PTPRM: variants seen among roughly 807,000 people sequenced by gnomAD.
PTPRM encodes the protein receptor-type tyrosine-protein phosphatase mu.
Under a neutral mutation model 186.7 loss-of-function variants are expected in PTPRM, and 47 were observed. The ratio of observed to expected loss-of-function variants is 0.25; its 90% CI spans 0.20 to 0.32. The LOEUF (loss-of-function observed/expected upper bound fraction) is 0.32, where lower values mean the gene tolerates loss of function less well. Ranked by LOEUF, PTPRM falls within the 10% of genes least tolerant of loss-of-function variation. The probability of loss-of-function intolerance (pLI) is 1.00; values close to 1 mark genes in which losing one functional copy is unlikely to be tolerated. For synonymous variants in PTPRM, 668 were observed against 674.9 expected, an observed-to-expected ratio of 0.99 and a Z score of 0.16; for missense variants, 1,494 against 1,865.0, an observed-to-expected ratio of 0.80 and a Z score of 3.66.
chr18:8,171,516 G>A lies in PTPRM; in HGVS notation c.2300+27737G>A, dbSNP rs2093400644. Among the ~76,000 whole-genome samples the A allele has an allele frequency of 2.0e-5, 3 of 152,184 alleles. No individual in the cohort carries two copies. In the South Asian group the frequency reaches 6.2e-4, roughly 32 times the overall value. On this transcript the variant is annotated intron_variant, in intron 14 of 32. Coordinates refer to ENST00000580170, the MANE Select transcript of PTPRM (RefSeq NM_001105244.2). The stretch of plus-strand genomic sequence containing the variant: ...CTCTGTGAGTAGGGGAAAAAATTGT[G>A]TCCTTAGTGAAAGAGAATCACAACC...
At chr18:7,650,852 C>T (rs542738964) in intron 1 of PTPRM, among the ~76,000 whole-genome samples, 4 of 150,800 alleles carry the variant, frequency 2.7e-5, no homozygotes, top group Non-Finnish European at 5.9e-5. Flanking sequence ...ACACCTTCTA[C>T]AAAAACCAAC....
chr18:7,858,659 A>G (rs2146019158), intron 2 of PTPRM, among the ~76,000 whole-genome samples: 1 of 152,368 alleles, frequency 6.6e-6, no homozygotes, highest in East Asian at 1.9e-4. Context: ...AAGTGTTAAT[A>G]TATGTAGAAT....
intron 10 of PTPRM, 111 bp from the exon 11 acceptor site, chr18:8,088,638 T>C: frequency 1.2e-6 from 1 of 841,296 alleles, no homozygotes; most frequent in South Asian, 1.5e-5. Flanking sequence ...ATAGCTGCAA[T>C]GTAAAGTAAA....
chr18:7,620,089 T>C (rs894074415), intron 1 of PTPRM, among the ~76,000 whole-genome samples: 6 of 152,146 alleles, frequency 3.9e-5, no homozygotes, highest in Non-Finnish European at 7.4e-5. Context: ...GATTTTTCTC[T>C]AGGAGAAAAC....
chr18:7,581,659 T>A lies in PTPRM; in HGVS notation c.73+13768T>A, dbSNP rs10153398. ...TTGTGTGTGCATGTTTCATTTACTT[T>A]TTTTTTTTTTTTTTGAGACAAGGTC... On this transcript the variant is annotated intron_variant, in intron 1 of 32. Coordinates refer to ENST00000580170, the MANE Select transcript of PTPRM (RefSeq NM_001105244.2). Among the ~76,000 whole-genome samples, 349 of 149,860 alleles carry A rather than the reference T, an allele frequency of 2.3e-3. 1 individual carries two copies. The highest frequency in any genetic ancestry group is 8.0e-3 in the African/African-American group (330 of 41,028).
At chr18:7,895,589 T>C (rs1388100797) in intron 3 of PTPRM, among the ~76,000 whole-genome samples, 1 of 152,154 alleles carries the variant, frequency 6.6e-6, no homozygotes, top group African/African-American at 2.4e-5. Context: ...CAGGTGCCCT[T>C]GGGTTGTATT....
At chr18:8,320,967 T>C (rs2095342139) in intron 22 of PTPRM, among the ~76,000 whole-genome samples, 1 of 152,118 alleles carries the variant, frequency 6.6e-6, no homozygotes, top group Non-Finnish European at 1.5e-5. Context: ...AGCTCTTACA[T>C]ATGGGATAGA....
intron 1 of PTPRM, among the ~76,000 whole-genome samples, chr18:7,722,543 T>A (rs1181842637): frequency 2.0e-5 from 3 of 152,056 alleles, no homozygotes; most frequent in Non-Finnish European, 4.4e-5. Context: ...TGTGGGTAAA[T>A]TCACTTATAA....
chr18:8,243,946 A>G, intron 14 of PTPRM, 112 bp from the exon 15 acceptor site: 3 of 1,089,138 alleles, frequency 2.8e-6, no homozygotes, highest in South Asian at 1.6e-5. Context: ...CCATCTCTGA[A>G]TGAATAGGAT....
At chr18:8,293,122 A>C (rs1219091665) in intron 19 of PTPRM, among the ~76,000 whole-genome samples, 1 of 152,164 alleles carries the variant, frequency 6.6e-6, no homozygotes, top group East Asian at 1.9e-4. Context: ...ATGCTCTCAT[A>C]ATAAGTGCTC....
intron 1 of PTPRM, among the ~76,000 whole-genome samples, chr18:7,764,566 T>C (rs1239226917): frequency 6.6e-6 from 1 of 152,184 alleles, no homozygotes; most frequent in African/African-American, 2.4e-5. Context: ...TACCAAACAT[T>C]AGAGTGCATT....
Position 8,378,255 on chromosome 18 carries a change from C to T in PTPRM, c.3463-10C>T. 2 of 1,605,796 alleles carry T rather than the reference C, an allele frequency of 1.2e-6. No individual in the cohort carries two copies. ...CTAAAGTTAGTAACTCGTTCCATCT[C>T]CTTCTCCAGGAGCAGTATGTGTTTA... On this transcript the variant is annotated splice_polypyrimidine_tract_variant and intron_variant, in intron 26 of 32. Coordinates refer to ENST00000580170, the MANE Select transcript of PTPRM (RefSeq NM_001105244.2).
In PTPRM at chr18:8,126,000, TATATATATATATATATATA is replaced by T. The variant is rs1238983062; in HGVS notation, c.2167+11174_2167+11192del. Among the ~76,000 whole-genome samples the T allele has an allele frequency of 3.6e-3, 59 of 16,310 alleles. 2 individuals are homozygous for T. The highest frequency in any genetic ancestry group is 6.6e-3 in the African/African-American group (57 of 8,684). 10.7% of individuals were successfully genotyped at this position (16,310 alleles called of 152,430 possible). The stretch of plus-strand genomic sequence containing the variant: ...ACATATATATATATATATATATATA[TATATATATATATATATATA>T]TATATATATTTTAAATCAGTAGACC... On this transcript the variant is annotated intron_variant, in intron 13 of 32. Coordinates refer to ENST00000580170, the MANE Select transcript of PTPRM (RefSeq NM_001105244.2).
chr18:8,033,580 A>G (rs1008140122), intron 7 of PTPRM, among the ~76,000 whole-genome samples: 9 of 152,200 alleles, frequency 5.9e-5, no homozygotes, highest in African/African-American at 2.2e-4. Flanking sequence ...CTGTAACACA[A>G]TGGTATCTAT....
chr18:7,874,032 A>G (rs1427235784), intron 2 of PTPRM, among the ~76,000 whole-genome samples: 2 of 152,118 alleles, frequency 1.3e-5, no homozygotes, highest in African/African-American at 2.4e-5. Flanking sequence ...AGAGTTGTCA[A>G]CATTATATTA....
intron 1 of PTPRM, among the ~76,000 whole-genome samples, chr18:7,678,804 G>A (rs2039410326): frequency 6.6e-6 from 1 of 152,126 alleles, no homozygotes. Context: ...TCTGACTTAT[G>A]CAGTCGTGCC....
chr18:7,870,751 A>G (rs1473470113), intron 2 of PTPRM, among the ~76,000 whole-genome samples: 2 of 152,192 alleles, frequency 1.3e-5, no homozygotes, highest in Admixed American at 1.3e-4. Context: ...ATTTAAAAAT[A>G]TTCTTTGCCT....
intron 11 of PTPRM, among the ~76,000 whole-genome samples, chr18:8,110,936 G>C (rs1456767628): frequency 6.6e-6 from 1 of 152,170 alleles, no homozygotes; most frequent in Non-Finnish European, 1.5e-5. Context: ...TTCCCTTCAG[G>C]CCAGATGGTT....
At chr18:8,278,055 A>G (rs1189206042) in intron 19 of PTPRM, among the ~76,000 whole-genome samples, 1 of 152,264 alleles carries the variant, frequency 6.6e-6, no homozygotes, top group Non-Finnish European at 1.5e-5. Flanking sequence ...GGTGGCACAC[A>G]CTGTTTCTTT....
Sources: gnomAD v4.1 joint callset for allele counts (sites outside exome capture counted in the v4.1 genomes callset) on GRCh38, gnomAD v4.1.1 for gene constraint, MANE v1.5 for transcripts, NCBI Gene and HGNC (gene_info 2026-07-23, HGNC 2026-07-21) for gene names.